The following HEATR4 variants were observed in gnomAD, a reference collection of about 807,000 sequenced individuals.
The protein encoded by HEATR4 is HEAT repeat-containing protein 4.
Under a neutral mutation model 108.8 loss-of-function variants are expected in HEATR4, and 95 were observed. The ratio of observed to expected loss-of-function variants is 0.87; its 90% CI spans 0.74 to 1.04. HEATR4 has a LOEUF of 1.04. Ranked by LOEUF, HEATR4 falls within the 50% of genes least tolerant of loss-of-function variation. The probability of loss-of-function intolerance (pLI) is 0.00; values close to 1 mark genes in which losing one functional copy is unlikely to be tolerated. For synonymous variants in HEATR4, 443 were observed against 459.4 expected (o/e 0.96, Z 0.46); for missense variants, 1,152 against 1,253.8 (o/e 0.92, Z 1.23).
chr14:73,593,564 A>G, the HEATR4 span: 1 of 704,612 alleles, frequency 1.4e-6, no homozygotes, highest in Non-Finnish European at 2.3e-6. Context: ...GCTGGTCTTG[A>G]ACTCCTGGCC....
Position 73,543,625 on chromosome 14 carries a change from C to G in HEATR4, c.-151-13381G>C, listed in dbSNP as rs201749139. On this transcript the variant is annotated intron_variant, in intron 1 of 17. Coordinates refer to ENST00000553558, the MANE Select transcript of HEATR4 (RefSeq NM_001220484.1). ...CTTTCTTCCACAAACACTTGGGTGGCCACGAGGGGACAATCCCATCAAAAG... is the reference window on the plus strand; with the variant it reads ...CTTTCTTCCACAAACACTTGGGTGGGCACGAGGGGACAATCCCATCAAAAG... 3,642 of 780,492 alleles carry G rather than the reference C, an allele frequency of 4.7e-3. 239 individuals are homozygous for G. In the African/African-American group the frequency reaches 0.067, roughly 14 times the overall value. The allele number at this position is 780,492 out of a possible 1,614,324, so 48.3% of individuals were successfully genotyped here.
At chr14:73,579,309 G>A in the HEATR4 span, among the ~76,000 whole-genome samples, 2 of 142,662 alleles carry the variant, frequency 1.4e-5, no homozygotes, top group East Asian at 4.2e-4. Flanking sequence ...GGGTGTGGTG[G>A]CTCATGCCTG....
chr14:73,588,385 C>T, the HEATR4 span, among the ~76,000 whole-genome samples: 2 of 152,162 alleles, frequency 1.3e-5, no homozygotes, highest in South Asian at 2.1e-4. Context: ...CTCCGTTACA[C>T]TCATTGTCAG....
intron 2 of HEATR4, among the ~76,000 whole-genome samples, chr14:73,524,912 CAGCACATAGCCTCTCTCCCTAGGGCATG>C (rs1235920536): frequency 6.6e-6 from 1 of 152,136 alleles, no homozygotes; most frequent in African/African-American, 2.4e-5. Flanking sequence ...CCTTAACACC[CAGCACATAGCCTCTCTCCCTAGGGCATG>C]ATTTCTCTTA....
the HEATR4 span, chr14:73,573,727 A>G: frequency 1.9e-6 from 2 of 1,080,194 alleles, no homozygotes; most frequent in East Asian, 2.5e-5. Context: ...GTCACTTCTT[A>G]TAGACAGTTT....
At chr14:73,571,689 G>C in the HEATR4 span, 1 of 151,844 alleles carries the variant, frequency 6.6e-6, no homozygotes, top group South Asian at 2.1e-4. Context: ...CGCGTGGGCT[G>C]TGCTCATCGC....
intron 17 of HEATR4, chr14:73,491,672 T>C (rs17845285): frequency 6.5e-7 from 1 of 1,549,858 alleles, no homozygotes; most frequent in African/African-American, 1.4e-5. Context: ...AGATCACTTT[T>C]ACCGGCGCCT....
chr14:73,528,417 T>TAAAA (rs1888494973), intron 2 of HEATR4, among the ~76,000 whole-genome samples: 4 of 116,400 alleles, frequency 3.4e-5, no homozygotes, highest in African/African-American at 1.0e-4. Flanking sequence ...AAAAAAAACT[T>TAAAA]AAGGAATAGT....
At chr14:73,614,963 G>T in the HEATR4 span, among the ~76,000 whole-genome samples, 1 of 151,182 alleles carries the variant, frequency 6.6e-6, no homozygotes, top group African/African-American at 2.4e-5. Flanking sequence ...CGGGCATGGT[G>T]GTGGGTGCCT....
At chr14:73,610,844 C>G in the HEATR4 span, 1 of 152,274 alleles carries the variant, frequency 6.6e-6, no homozygotes, top group East Asian at 1.9e-4. Context: ...GGCTCTATTC[C>G]AGCCCCTCCC....
At chr14:73,594,710 T>TTATTTATTTATC in the HEATR4 span, among the ~76,000 whole-genome samples, 9 of 151,058 alleles carry the variant, frequency 6.0e-5, no homozygotes, top group African/African-American at 2.2e-4. Flanking sequence ...ATTTATTTAT[T>TTATTTATTTATC]TATCTTTTGA....
the HEATR4 span, among the ~76,000 whole-genome samples, chr14:73,594,089 G>A: frequency 6.6e-6 from 1 of 152,080 alleles, no homozygotes; most frequent in Non-Finnish European, 1.5e-5. Flanking sequence ...AGAATTAATT[G>A]TAAAATCCAC....
In HEATR4 at chr14:73,522,802, A is replaced by C. The variant is rs1462631905; in HGVS notation, c.351T>G (p.Val117=). Residue 117 remains valine (V), a synonymous_variant, in exon 3 of 18, where the codon GTT becomes GTG. Coordinates refer to ENST00000553558, the MANE Select transcript of HEATR4 (RefSeq NM_001220484.1). The part of the protein sequence containing the change: ...QIRKARPQKP[V]SFKFLGSSSP... ...TTGAGGAACCCAGGAACTTGAAGCT[A>C]ACAGGTTTCTGAGGCCGGGCCTTCC... 1 of 1,614,166 alleles carries C rather than the reference A, an allele frequency of 6.2e-7. No individual in the cohort carries two copies. The highest frequency in any genetic ancestry group is 1.7e-5 in the Admixed American group (1 of 60,018).
the HEATR4 span, among the ~76,000 whole-genome samples, chr14:73,630,757 A>G: frequency 6.6e-6 from 1 of 152,236 alleles, no homozygotes; most frequent in African/African-American, 2.4e-5. Context: ...TTTAGGGAAA[A>G]GGAGTTCTGG....
the HEATR4 span, among the ~76,000 whole-genome samples, chr14:73,565,041 CAATT>C: frequency 1.0e-3 from 158 of 152,122 alleles, no homozygotes; most frequent in East Asian, 2.3e-3. Context: ...TATGACATCA[CAATT>C]AAACTGGTTA....
intron 2 of HEATR4, among the ~76,000 whole-genome samples, chr14:73,527,075 T>TC (rs1261999145): frequency 2.0e-5 from 3 of 151,952 alleles, no homozygotes; most frequent in Middle Eastern, 3.4e-3. Context: ...GTTGCAGGGG[T>TC]CATAGGCTTA....
At chr14:73,615,388 T>TAAAAAAAAA in the HEATR4 span, among the ~76,000 whole-genome samples, 35 of 63,000 alleles carry the variant, frequency 5.6e-4, 1 homozygote, top group African/African-American at 2.0e-3. Context: ...CTCTGTCTGA[T>TAAAAAAAAA]AAAAAAAAAA....
At chr14:73,604,194 T>C in the HEATR4 span, among the ~76,000 whole-genome samples, 1 of 126,408 alleles carries the variant, frequency 7.9e-6, no homozygotes, top group African/African-American at 2.9e-5. Flanking sequence ...AGATGGAGTC[T>C]CGCTCTATAA....
chr14:73,525,814 G>A (rs572297226), intron 2 of HEATR4, among the ~76,000 whole-genome samples: 5 of 152,180 alleles, frequency 3.3e-5, no homozygotes, highest in South Asian at 2.1e-4. Flanking sequence ...TTAGCTGGGC[G>A]TGGTGGTGGG....
Sources: allele counts gnomAD v4.1 joint callset (sites outside exome capture counted in the v4.1 genomes callset), GRCh38; gene constraint gnomAD v4.1.1; transcripts MANE v1.5; gene names NCBI Gene and HGNC (gene_info 2026-07-23, HGNC 2026-07-21).